The following IWS1 variants were observed in gnomAD, a reference collection of about 807,000 sequenced individuals.
IWS1 encodes the protein protein IWS1 homolog.
A neutral mutation model predicts 86.7 loss-of-function variants in IWS1; 27 were observed. That is an observed-to-expected ratio of 0.31 (90% CI 0.23 to 0.43). The LOEUF is 0.43. Among genes scored for constraint, IWS1 ranks in the 20% least tolerant of loss-of-function variants. The pLI, the probability that IWS1 is intolerant of heterozygous loss-of-function variation, is 1.00. For synonymous variants in IWS1, 313 were observed against 335.1 expected, an observed-to-expected ratio of 0.93 and a Z score of 0.72; for missense variants, 827 against 1,000.8, an observed-to-expected ratio of 0.83 and a Z score of 2.34.
At chr2:127,484,252 C>A (rs1016434196) in intron 13 of IWS1, among the ~76,000 whole-genome samples, 16 of 152,196 alleles carry the variant, frequency 1.1e-4, no homozygotes, top group African/African-American at 3.9e-4. Context: ...GCAGAGCTTG[C>A]AGTGAGCAGA....
In IWS1 at chr2:127,489,150, A is replaced by T. The variant is rs1690084061; in HGVS notation, c.2216+29T>A. The T allele has an allele frequency of 1.3e-6, 2 of 1,538,086 alleles. No homozygotes were observed. Among genetic ancestry groups the T allele is most frequent in the East Asian group, 4.5e-5 (2 of 44,500 alleles). On this transcript the variant is annotated intron_variant, in intron 12 of 13. Coordinates refer to ENST00000295321, the MANE Select transcript of IWS1 (RefSeq NM_017969.3). This position sits in a 1 kb window ranked among gnomAD's most constrained non-coding sequence, Gnocchi z 4.8. ...CAAACGGAAATTCTCTATATAGTCT[A>T]GGAAGAAAAATTAACATTAAAACCT...
intron 12 of IWS1, 114 bp from the exon 13 acceptor site, chr2:127,486,778 C>T: frequency 1.3e-6 from 1 of 771,512 alleles, no homozygotes; most frequent in African/African-American, 1.7e-5. Context: ...ATGTTCGAAA[C>T]TCCTCTACTC....
intron 5 of IWS1, chr2:127,498,930 T>C (rs1690651806): frequency 6.6e-6 from 1 of 152,218 alleles, no homozygotes; most frequent in Non-Finnish European, 1.5e-5. Context: ...CTGAACATTC[T>C]ATGCCCATTT....
rs1691032170 is a variant in IWS1, at chr2:127,504,872, A to C, written c.1031T>G (p.Met344Arg). ...DRENKGEDTE[M>R]QNDSFHSDSH... is the part of the protein sequence containing the mutation. ...GTCTGAATGGAAGGAGTCATTCTGC[A>C]TTTCTGTATCCTCTCCCTTATTCTC... The change falls in exon 3 of 14, where the codon ATG (methionine) becomes AGG (arginine). Residue 344 changes from methionine (M) to arginine (R), a missense_variant. Met to Arg is a moderately conservative substitution (Grantham distance 91, BLOSUM62 -1). Coordinates refer to ENST00000295321, the MANE Select transcript of IWS1 (RefSeq NM_017969.3). The C allele has an allele frequency of 2.5e-6, 4 of 1,614,010 alleles. No homozygotes were observed. The Admixed American group carries it at 6.7e-5, about 27-fold the overall frequency.
At chr2:127,503,640 C>T in intron 3 of IWS1, 64 bp from the exon 4 acceptor site, 1 of 1,124,758 alleles carries the variant, frequency 8.9e-7, no homozygotes, top group East Asian at 2.8e-5. Flanking sequence ...CTAAGCATAA[C>T]AGGTGCTTTA....
intron 5 of IWS1, among the ~76,000 whole-genome samples, chr2:127,498,481 T>C (rs334147): frequency 6.6e-6 from 1 of 152,082 alleles, no homozygotes; most frequent in African/African-American, 2.4e-5. Context: ...TTACACAAAC[T>C]GAAGCATACT....
intron 2 of IWS1, among the ~76,000 whole-genome samples, chr2:127,506,084 T>C (rs1691134649): frequency 1.3e-5 from 2 of 152,178 alleles, no homozygotes; most frequent in South Asian, 4.1e-4. Flanking sequence ...TTCTGTTTTG[T>C]AAAAATATAA....
intron 13 of IWS1, among the ~76,000 whole-genome samples, chr2:127,485,353 G>A (rs1028796012): frequency 6.6e-6 from 1 of 152,276 alleles, no homozygotes; most frequent in Non-Finnish European, 1.5e-5. Flanking sequence ...TCAAAGCATA[G>A]TGGATCAGTG....
In IWS1 at chr2:127,526,421, G is replaced by A. The variant is rs764817705; in HGVS notation, c.-213C>T. On this transcript the variant is annotated 5_prime_UTR_variant, in exon 1 of 14. Transcript: ENST00000295321. ...CGGAAAAGGCCGTACCCGGCAGGCT[G>A]GCGGGCGGGCAGGCATGCGAGCCGG... 2.6e-6 allele frequency: 4 copies of A among 1,535,922 alleles called. No individual in the cohort carries two copies. The South Asian group carries it at 3.6e-5, about 14-fold the overall frequency.
Position 127,505,751 on chromosome 2 carries a change from T to C in IWS1, c.152A>G (p.Asn51Ser), listed in dbSNP as rs1573541491. The change falls in exon 3 of 14, where the codon AAT becomes AGT. Residue 51 changes from asparagine to serine, a missense_variant and splice_region_variant. Asn to Ser is a conservative substitution (Grantham distance 46). Coordinates refer to ENST00000295321, the MANE Select transcript of IWS1 (RefSeq NM_017969.3). This position sits in a 1 kb window ranked among gnomAD's most constrained non-coding sequence, Gnocchi z 5.0. ...GCCATCTTCTCGATCACTAGTTTCATTCTGAAAAATAAAGTGAGAAAAAAT... is the reference window on the plus strand; with the variant it reads ...GCCATCTTCTCGATCACTAGTTTCACTCTGAAAAATAAAGTGAGAAAAAAT... The part of the protein sequence containing the change: ...DTGSVERHSE[N>S]ETSDREDGLP... 6.6e-7 allele frequency: 1 copy of C among 1,509,240 alleles called. No individual in the cohort carries two copies. The highest frequency in any genetic ancestry group is 2.3e-5 in the East Asian group (1 of 42,604). The allele number at this position is 1,509,240 out of a possible 1,614,324, so 93.5% of individuals were successfully genotyped here. A position where few individuals can be genotyped will look rare whatever the true frequency, so the allele number is the denominator to read the frequency against.
chr2:127,498,204 C>G lies in IWS1; in HGVS notation c.1501G>C (p.Gly501Arg). Residue 501 changes from glycine to arginine, a missense_variant, in exon 6 of 14, where the codon GGT becomes CGT. Physicochemically the swap from Gly to Arg is moderately radical, Grantham distance 125. Coordinates refer to ENST00000295321, the MANE Select transcript of IWS1 (RefSeq NM_017969.3). ...FNQEDLEEEK[G>R]ETQVKEAEDS... ...TCTGCTTCTTTTACCTGTGTTTCAC[C>G]TTTTTCTTCTTCCAGATCTTCTTGG... The G allele has an allele frequency of 1.2e-5, 19 of 1,592,428 alleles. No homozygotes were observed. Among genetic ancestry groups the G allele is most frequent in the Non-Finnish European group, 1.6e-5 (19 of 1,160,644 alleles).
In IWS1 at chr2:127,526,415, C is replaced by T. The variant is rs920389383; in HGVS notation, c.-207G>A. On this transcript the variant is annotated 5_prime_UTR_variant, in exon 1 of 14. Coordinates refer to ENST00000295321, the MANE Select transcript of IWS1 (RefSeq NM_017969.3). ...CCCCGGCGGAAAAGGCCGTACCCGG[C>T]AGGCTGGCGGGCGGGCAGGCATGCG... 48 of 1,536,040 alleles carry T rather than the reference C, an allele frequency of 3.1e-5. No individual in the cohort carries two copies. Among genetic ancestry groups the T allele is most frequent in the Non-Finnish European group, 4.2e-5 (48 of 1,145,220 alleles).
At chr2:127,492,217 T>A in intron 9 of IWS1, 129 bp from the exon 10 acceptor site, 1 of 637,534 alleles carries the variant, frequency 1.6e-6, no homozygotes, top group African/African-American at 1.8e-5. Flanking sequence ...TCTACAGACA[T>A]AGAACACAAA....
intron 8 of IWS1, 71 bp downstream of exon 8, chr2:127,494,801 C>A: frequency 3.8e-6 from 3 of 790,674 alleles, no homozygotes; most frequent in Admixed American, 2.4e-5. Context: ...ATTCCTAGAA[C>A]ACCAGTACAT....
At position 127,499,809 on chromosome 2, in the gene IWS1, T is replaced by C. The variant is rs1690708225; in HGVS notation, c.1468-1572A>G. Among the ~76,000 whole-genome samples, 2 of 152,010 alleles carry C rather than the reference T, an allele frequency of 1.3e-5. No individual in the cohort carries two copies. The highest frequency in any genetic ancestry group is 1.3e-4 in the Admixed American group (2 of 15,272). On this transcript the variant is annotated intron_variant, in intron 5 of 13. Coordinates refer to ENST00000295321, the MANE Select transcript of IWS1 (RefSeq NM_017969.3). This position sits in a 1 kb window ranked among gnomAD's most constrained non-coding sequence, Gnocchi z 4.0. ...TTTAAGTTTCTGAGCGGCAAACAGA[T>C]TGGAAAATATATACAGACACTTGAT... is the stretch of plus-strand genomic sequence containing the variant.
intron 1 of IWS1, 67 bp downstream of exon 1, chr2:127,526,108 T>A (rs557486240): frequency 6.7e-7 from 1 of 1,485,004 alleles, no homozygotes; most frequent in East Asian, 2.5e-5. Context: ...ACCCGCGGGG[T>A]GCCAGGCCAA....
At chr2:127,513,559 GA>G (rs201699536) in intron 2 of IWS1, among the ~76,000 whole-genome samples, 17 of 148,574 alleles carry the variant, frequency 1.1e-4, no homozygotes, top group African/African-American at 3.2e-4. Flanking sequence ...GATAAAAACA[GA>G]AAAAAAAACA....
At chr2:127,511,269 C>G (rs1332740971) in intron 2 of IWS1, 2 of 152,176 alleles carry the variant, frequency 1.3e-5, no homozygotes, top group Non-Finnish European at 2.9e-5. Context: ...CTGCTATTTT[C>G]TACTATGTGA....
intron 12 of IWS1, among the ~76,000 whole-genome samples, chr2:127,488,414 G>A (rs1690048334): frequency 6.6e-6 from 1 of 152,176 alleles, no homozygotes; most frequent in African/African-American, 2.4e-5. Flanking sequence ...TTTGGTGAAA[G>A]GTAATAAACA....
Sources: gnomAD v4.1 joint callset for allele counts (sites outside exome capture counted in the v4.1 genomes callset) on GRCh38, gnomAD v4.1.1 for gene constraint, Gnocchi (gnomAD v3.1) non-coding constraint, MANE v1.5 for transcripts, NCBI Gene and HGNC (gene_info 2026-07-23, HGNC 2026-07-21) for gene names.